VPS4B: variants seen among roughly 807,000 people sequenced by gnomAD.
VPS4B encodes vacuolar protein sorting-associated protein 4B.
Under a neutral mutation model 56.1 loss-of-function variants are expected in VPS4B, and 23 were observed. That is an observed-to-expected ratio of 0.41 (90% CI 0.30 to 0.58). The LOEUF (loss-of-function observed/expected upper bound fraction) is 0.58, where lower values mean the gene tolerates loss of function less well. Among genes scored for constraint, VPS4B ranks in the 20% least tolerant of loss-of-function variants. The pLI is 0.29. For synonymous variants in VPS4B, 177 were observed against 186.0 expected (o/e 0.95, Z 0.39); for missense variants, 372 against 531.9 (o/e 0.70, Z 2.96).
intron 1 of VPS4B, 79 bp from the exon 2 acceptor site, chr18:63,411,657 T>TG: frequency 2.0e-6 from 2 of 1,025,102 alleles, no homozygotes; most frequent in Non-Finnish European, 2.6e-6. Context: ...TACTGAAAGT[T>TG]TTTTTTTTTT....
intron 1 of VPS4B, among the ~76,000 whole-genome samples, chr18:63,420,975 T>C (rs1423096661): frequency 2.7e-5 from 4 of 149,790 alleles, no homozygotes; most frequent in Non-Finnish European, 4.4e-5. Context: ...GAGGTGGAGG[T>C]TGTAGTGAGC....
At chr18:63,395,071 G>A (rs1915639719) in intron 9 of VPS4B, among the ~76,000 whole-genome samples, 1 of 152,184 alleles carries the variant, frequency 6.6e-6, no homozygotes, top group East Asian at 1.9e-4. Flanking sequence ...GGATGGAGCC[G>A]CTGAGAGGTC....
At position 63,390,011 on chromosome 18, in the gene VPS4B, AG is replaced by A. The variant is rs1915507639; in HGVS notation, c.*963del. On this transcript the variant is annotated 3_prime_UTR_variant, in exon 11 of 11. Coordinates refer to ENST00000238497, the MANE Select transcript of VPS4B (RefSeq NM_004869.4). The stretch of plus-strand genomic sequence containing the variant: ...CTTCCTCTTGAGATTGCACAGTGAA[AG>A]GTATCAGTTAATTAAATATAAAAGC... 6.6e-6 allele frequency: 1 copy of A among 152,660 alleles called. No individual in the cohort carries two copies. The highest frequency in any genetic ancestry group is 2.1e-4 in the South Asian group (1 of 4,836). The allele number at this position is 152,660 out of a possible 1,614,324, so 9.5% of individuals were successfully genotyped here.
intron 4 of VPS4B, among the ~76,000 whole-genome samples, chr18:63,405,013 ATAAACT>A (rs1279537357): frequency 6.6e-6 from 1 of 152,198 alleles, no homozygotes; most frequent in Non-Finnish European, 1.5e-5. Context: ...TTAAACAAAA[ATAAACT>A]TTATTTTATA....
chr18:63,401,510 T>C (rs949027129), intron 5 of VPS4B, among the ~76,000 whole-genome samples: 3 of 152,132 alleles, frequency 2.0e-5, no homozygotes, highest in Admixed American at 2.0e-4. Flanking sequence ...CACCTCAGCC[T>C]CCAGCTAGGT....
chr18:63,402,852 TATACG>T (rs1234375412), intron 5 of VPS4B, among the ~76,000 whole-genome samples: 7 of 152,208 alleles, frequency 4.6e-5, no homozygotes, highest in Non-Finnish European at 1.0e-4. Context: ...ATCACTGCTC[TATACG>T]ATACGACTGT....
At chr18:63,400,259 T>C (rs1226993702) in intron 6 of VPS4B, 63 bp from the exon 7 acceptor site, 14 of 1,467,440 alleles carry the variant, frequency 9.5e-6, no homozygotes, top group South Asian at 1.3e-5. Context: ...CAAAGTAATA[T>C]ATCAATATTA....
intron 4 of VPS4B, 47 bp from the exon 5 acceptor site, chr18:63,403,873 A>G: frequency 1.3e-6 from 2 of 1,570,568 alleles, no homozygotes; most frequent in Non-Finnish European, 8.6e-7. Flanking sequence ...CTATTTCACC[A>G]AAGTTAGAAG....
chr18:63,399,659 ATT>A lies in VPS4B; in HGVS notation c.791-338_791-337del, dbSNP rs761843976. ...TTCCTGGTACATTATAAATGAATAC[ATT>A]AAATCTCTTTTCTATTTATGTCAGT... On this transcript the variant is annotated intron_variant, in intron 7 of 10. Coordinates refer to ENST00000238497, the MANE Select transcript of VPS4B (RefSeq NM_004869.4). 8.9e-3 allele frequency among the ~76,000 whole-genome samples: 1,351 copies of A among 152,366 alleles called. 12 individuals are homozygous for A. The highest frequency in any genetic ancestry group is 0.024 in the Middle Eastern group (7 of 294).
intron 10 of VPS4B, among the ~76,000 whole-genome samples, chr18:63,392,133 C>A (rs1915561664): frequency 6.6e-6 from 1 of 152,116 alleles, no homozygotes; most frequent in East Asian, 1.9e-4. Flanking sequence ...GTAAAAGTTT[C>A]TCCTCTGGAA....
At chr18:63,420,385 T>C (rs1229260140) in intron 1 of VPS4B, among the ~76,000 whole-genome samples, 3 of 151,910 alleles carry the variant, frequency 2.0e-5, no homozygotes, top group African/African-American at 7.3e-5. Flanking sequence ...GAGGTGGAGG[T>C]TGCAGTGCGC....
chr18:63,401,238 T>G (rs1915800145), intron 5 of VPS4B, among the ~76,000 whole-genome samples: 1 of 152,298 alleles, frequency 6.6e-6, no homozygotes, highest in South Asian at 2.1e-4. Flanking sequence ...GTTAGTGTTA[T>G]AGGTAGCAGA....
At chr18:63,398,204 C>CACATATAT (rs1298374245) in intron 8 of VPS4B, among the ~76,000 whole-genome samples, 2 of 112,446 alleles carry the variant, frequency 1.8e-5, no homozygotes, top group Admixed American at 9.5e-5. Flanking sequence ...CACACACACA[C>CACATATAT]ATATATATAT....
At chr18:63,400,315 A>G in intron 6 of VPS4B, 119 bp from the exon 7 acceptor site, 1 of 1,198,906 alleles carries the variant, frequency 8.3e-7, no homozygotes, top group South Asian at 1.7e-5. Flanking sequence ...TCAGGTACAG[A>G]AAATAAGAAT....
rs1915786306 is a variant in VPS4B, at chr18:63,400,531, T to C, written c.641+16A>G. The stretch of plus-strand genomic sequence containing the variant: ...CAGGCAAAGAAAAAACTTTAAAAAA[T>C]TGATTTACTACTTACTTTTCACTTT... On this transcript the variant is annotated intron_variant, in intron 6 of 10. Coordinates refer to ENST00000238497, the MANE Select transcript of VPS4B (RefSeq NM_004869.4). The C allele has an allele frequency of 1.3e-6, 2 of 1,597,034 alleles. No homozygotes were observed. Among genetic ancestry groups the C allele is most frequent in the Non-Finnish European group, 1.7e-6 (2 of 1,175,566 alleles).
Position 63,390,926 on chromosome 18 carries a change from A to G in VPS4B, c.*49T>C. ...TAATGCGATCCAAATAGACAAAAAT[A>G]TCTATGAAAGAAAGAATACATATGG... On this transcript the variant is annotated 3_prime_UTR_variant, in exon 11 of 11. Coordinates refer to ENST00000238497, the MANE Select transcript of VPS4B (RefSeq NM_004869.4). The G allele has an allele frequency of 7.6e-7, 1 of 1,316,712 alleles. No homozygotes were observed. The highest frequency in any genetic ancestry group is 1.1e-6 in the Non-Finnish European group (1 of 922,534). The allele number at this position is 1,316,712 out of a possible 1,614,324, so 81.6% of individuals were successfully genotyped here. A position where few individuals can be genotyped will look rare whatever the true frequency, so the allele number is the denominator to read the frequency against.
At chr18:63,404,331 A>G (rs1420092184) in intron 4 of VPS4B, among the ~76,000 whole-genome samples, 1 of 152,196 alleles carries the variant, frequency 6.6e-6, no homozygotes, top group East Asian at 1.9e-4. Flanking sequence ...AGATAGGCAG[A>G]CAGACAGAAG....
At chr18:63,400,842 GT>G in intron 5 of VPS4B, 139 bp from the exon 6 acceptor site, 6 of 869,516 alleles carry the variant, frequency 6.9e-6, no homozygotes, top group Non-Finnish European at 1.0e-5. Flanking sequence ...TCAATCTAAG[GT>G]ATGTCTTAAA....
At chr18:63,408,548 G>C (rs1213587891) in intron 3 of VPS4B, among the ~76,000 whole-genome samples, 1 of 152,150 alleles carries the variant, frequency 6.6e-6, no homozygotes, top group African/African-American at 2.4e-5. Context: ...AAGAAGGTGG[G>C]GGCTGCTCAC....
Sources: gnomAD v4.1 joint callset for allele counts (sites outside exome capture counted in the v4.1 genomes callset) on GRCh38, gnomAD v4.1.1 for gene constraint, MANE v1.5 for transcripts, NCBI Gene and HGNC (gene_info 2026-07-23, HGNC 2026-07-21) for gene names.